LRBA: variants seen among roughly 807,000 people sequenced by gnomAD.
LRBA encodes lipopolysaccharide-responsive and beige-like anchor protein.
In LRBA, 176 loss-of-function variants were observed where a neutral mutation model predicts 330.0. The observed-to-expected ratio is 0.53, with a 90% CI of 0.47 to 0.60. The LOEUF is 0.60. Ranked by LOEUF, LRBA falls within the 20% of genes least tolerant of loss-of-function variation. LRBA has a pLI of 0.00. For synonymous variants in LRBA, 1,230 were observed against 1,193.0 expected (o/e 1.03, Z -0.64); for missense variants, 3,259 against 3,444.8 (o/e 0.95, Z 1.35).
intron 2 of LRBA, among the ~76,000 whole-genome samples, chr4:150,983,502 G>A (rs887121219): frequency 1.5e-5 from 2 of 135,966 alleles, no homozygotes; most frequent in Non-Finnish European, 3.0e-5. Flanking sequence ...CACCTAGGCT[G>A]TAGTGCAGTG....
chr4:150,579,640 G>A (rs1341550274), intron 40 of LRBA: 5 of 456,558 alleles, frequency 1.1e-5, no homozygotes, highest in Non-Finnish European at 2.2e-5. Flanking sequence ...AGAAAACTTA[G>A]CCGAGCTTGA....
intron 33 of LRBA, among the ~76,000 whole-genome samples, chr4:150,805,580 G>A (rs866024860): frequency 6.9e-4 from 80 of 116,420 alleles, no homozygotes; most frequent in South Asian, 1.4e-3. Flanking sequence ...GGAAAGGAAA[G>A]GAAAGGAAAG....
chr4:150,742,026 T>G lies in LRBA; in HGVS notation c.5646-6660A>C, dbSNP rs369634391. On this transcript the variant is annotated intron_variant, in intron 35 of 56. Coordinates refer to ENST00000651943, the MANE Select transcript of LRBA (RefSeq NM_001364905.1). Reference sequence around the variant, plus strand: ...TAAACATATCAACAGAATGATTCACTTTATGTAATCTGGAACATTTTTGAT... The same window carrying G: ...TAAACATATCAACAGAATGATTCACGTTATGTAATCTGGAACATTTTTGAT... Among the ~76,000 whole-genome samples the G allele has an allele frequency of 2.6e-5, 4 of 152,144 alleles. No individual in the cohort carries two copies. In the South Asian group the frequency reaches 8.3e-4, roughly 32 times the overall value.
intron 40 of LRBA, among the ~76,000 whole-genome samples, chr4:150,510,077 T>C (rs2077118685): frequency 6.6e-6 from 1 of 151,852 alleles, no homozygotes; most frequent in African/African-American, 2.4e-5. Context: ...GAGGTGGAGG[T>C]TGCAGTGAGC....
intron 51 of LRBA, chr4:150,315,030 T>C (rs1242574158): frequency 1.9e-5 from 3 of 154,838 alleles, no homozygotes; most frequent in Non-Finnish European, 4.3e-5. Flanking sequence ...GAAACTGCTC[T>C]GCAATTGCAC....
At chr4:150,632,766 T>C (rs1777516247) in intron 37 of LRBA, among the ~76,000 whole-genome samples, 2 of 152,222 alleles carry the variant, frequency 1.3e-5, no homozygotes, top group Non-Finnish European at 2.9e-5. Flanking sequence ...TCAGCTTAGA[T>C]GTCAGCTCCT....
chr4:150,479,109 C>T (rs1464610791), intron 42 of LRBA, among the ~76,000 whole-genome samples: 1 of 151,846 alleles, frequency 6.6e-6, no homozygotes, highest in African/African-American at 2.4e-5. Context: ...TGGAGCAAGA[C>T]AGCATCTCTT....
chr4:150,359,145 T>C (rs1738304916), intron 47 of LRBA, among the ~76,000 whole-genome samples: 1 of 152,230 alleles, frequency 6.6e-6, no homozygotes, highest in Non-Finnish European at 1.5e-5. Flanking sequence ...GCATTTACTT[T>C]GTGTATGCGA....
intron 40 of LRBA, among the ~76,000 whole-genome samples, chr4:150,553,923 A>C (rs1306268693): frequency 6.6e-6 from 1 of 152,190 alleles, no homozygotes; most frequent in Non-Finnish European, 1.5e-5. Context: ...CCAGAGGCTT[A>C]AAGTCAGAGT....
chr4:150,708,807 A>T (rs1294092606), intron 36 of LRBA, among the ~76,000 whole-genome samples: 1 of 151,892 alleles, frequency 6.6e-6, no homozygotes, highest in Admixed American at 6.6e-5. Flanking sequence ...TAATAGAGAC[A>T]AAAATTCTAT....
Position 150,915,662 on chromosome 4 carries a change from C to T in LRBA, c.960G>A (p.Val320=). 1.2e-6 allele frequency: 2 copies of T among 1,612,664 alleles called. No homozygotes were observed. Among genetic ancestry groups the T allele is most frequent in the Non-Finnish European group, 1.7e-6 (2 of 1,178,942 alleles). Residue 320 remains valine (V), a synonymous_variant, in exon 8 of 57, where the codon GTG becomes GTA. Transcript: ENST00000651943. ...CTCCATAGGAAGCCAGCTCACCATT[C>T]ACATAACATCGAAGTTCACTATTCT... is the stretch of plus-strand genomic sequence containing the variant. The part of the protein sequence containing the change: ...RWKNSELRCY[V]NGELASYGEI...
intron 14 of LRBA, among the ~76,000 whole-genome samples, chr4:150,899,596 T>C (rs1290439650): frequency 6.6e-6 from 1 of 152,232 alleles, no homozygotes; most frequent in Non-Finnish European, 1.5e-5. Flanking sequence ...GTCCTCATTA[T>C]GTAAGAAAAT....
At chr4:150,978,360 A>T (rs1255479612) in intron 2 of LRBA, among the ~76,000 whole-genome samples, 1 of 152,256 alleles carries the variant, frequency 6.6e-6, no homozygotes, top group East Asian at 1.9e-4. Context: ...CCCCTAATCC[A>T]GATACAGCTT....
intron 48 of LRBA, among the ~76,000 whole-genome samples, chr4:150,335,247 C>G (rs1734506016): frequency 1.3e-5 from 2 of 151,742 alleles, no homozygotes; most frequent in Admixed American, 1.3e-4. Flanking sequence ...ACTACTTAAA[C>G]TCTGATAATG....
chr4:150,371,307 C>T (rs566662135), intron 47 of LRBA, among the ~76,000 whole-genome samples: 13 of 148,538 alleles, frequency 8.8e-5, no homozygotes, highest in African/African-American at 3.0e-4. Flanking sequence ...ATTCTCCTGA[C>T]TCAGCCTCCT....
intron 52 of LRBA, among the ~76,000 whole-genome samples, chr4:150,308,442 G>A (rs1730634285): frequency 6.6e-6 from 1 of 152,190 alleles, no homozygotes; most frequent in African/African-American, 2.4e-5. Context: ...CATAATACTT[G>A]ATAATAAATA....
intron 37 of LRBA, among the ~76,000 whole-genome samples, chr4:150,660,739 T>C (rs1447195358): frequency 2.5e-4 from 32 of 130,224 alleles, no homozygotes; most frequent in Admixed American, 2.2e-3. Flanking sequence ...AATTCCTCTG[T>C]CTTGGGATCC....
At chr4:150,542,664 AAC>A (rs550744070) in intron 40 of LRBA, among the ~76,000 whole-genome samples, 155 of 152,270 alleles carry the variant, frequency 1.0e-3, no homozygotes, top group African/African-American at 3.5e-3. Flanking sequence ...AGTTAATATA[AAC>A]ACAAAGCAAT....
chr4:150,501,450 A>G (rs1285981989), intron 40 of LRBA, among the ~76,000 whole-genome samples: 1 of 152,148 alleles, frequency 6.6e-6, no homozygotes, highest in East Asian at 1.9e-4. Flanking sequence ...GTCTCTGCTA[A>G]AAAATGCAAA....
Sources: allele counts gnomAD v4.1 joint callset (sites outside exome capture counted in the v4.1 genomes callset), GRCh38; gene constraint gnomAD v4.1.1; transcripts MANE v1.5; gene names NCBI Gene and HGNC (gene_info 2026-07-23, HGNC 2026-07-21).